Variants in ZNF503 observed in about 807,000 individuals in gnomAD.
ZNF503 encodes the protein NocA-like zinc finger 2.
Under a neutral mutation model 34.4 loss-of-function variants are expected in ZNF503, and 15 were observed. The observed-to-expected ratio is 0.44, with a 90% confidence interval of 0.29 to 0.67. The LOEUF (loss-of-function observed/expected upper bound fraction) is 0.67, where lower values mean the gene tolerates loss of function less well. Ranked by LOEUF, ZNF503 falls within the 30% of genes least tolerant of loss-of-function variation. ZNF503 has a pLI of 0.13. For synonymous variants in ZNF503, 580 were observed against 456.8 expected, an observed-to-expected ratio of 1.27 and a Z score of -3.44; for missense variants, 1,007 against 926.8, an observed-to-expected ratio of 1.09 and a Z score of -1.12.
At chr10:75,380,917 A>T in the ZNF503 span, among the ~76,000 whole-genome samples, 261 of 152,344 alleles carry the variant, frequency 1.7e-3, 2 homozygotes, top group Non-Finnish European at 2.8e-3. Flanking sequence ...GGCAGTGGCC[A>T]TACAGACCTC....
chr10:75,399,130 C>A lies in ZNF503; in HGVS notation c.1560G>T (p.Ser520=). Reference sequence around the variant, plus strand: ...AGCGCTTGTCGCACGGCCCGTTGGCCGACACCCAGTTGCAGATGTGGGGGA... The same window carrying A: ...AGCGCTTGTCGCACGGCCCGTTGGCAGACACCCAGTTGCAGATGTGGGGGA... ...DPLPHICNWV[S]ANGPCDKRFA... The change falls in exon 2 of 2, where the codon TCG becomes TCT. Residue 520 remains serine (S), a synonymous_variant. Transcript: ENST00000372524. 1 of 1,613,612 alleles carries A rather than the reference C, an allele frequency of 6.2e-7. No homozygotes were observed. Among genetic ancestry groups the A allele is most frequent in the East Asian group, 2.2e-5 (1 of 44,858 alleles).
chr10:75,401,795 A>G (rs1307842749), upstream of ZNF503: 10 of 252,904 alleles, frequency 4.0e-5, no homozygotes, highest in Non-Finnish European at 6.8e-5. Context: ...AAGCAGCTGC[A>G]CCAAGGGGGA....
chr10:75,365,194 G>A, the ZNF503 span, among the ~76,000 whole-genome samples: 1 of 152,332 alleles, frequency 6.6e-6, no homozygotes, highest in African/African-American at 2.4e-5. Flanking sequence ...TGTCGTCCAG[G>A]CTGGAGTGCA....
the ZNF503 span, among the ~76,000 whole-genome samples, chr10:75,335,996 C>T: frequency 6.6e-6 from 1 of 152,144 alleles, no homozygotes; most frequent in Admixed American, 6.5e-5. Flanking sequence ...ATTTCCCTGA[C>T]ATTATCAACT....
chr10:75,379,106 G>T, the ZNF503 span, among the ~76,000 whole-genome samples: 1 of 152,186 alleles, frequency 6.6e-6, no homozygotes, highest in African/African-American at 2.4e-5. Context: ...ATGTAGGAAA[G>T]AAATATGGGC....
chr10:75,334,376 T>A, the ZNF503 span, among the ~76,000 whole-genome samples: 3 of 152,258 alleles, frequency 2.0e-5, no homozygotes, highest in Non-Finnish European at 4.4e-5. Context: ...AGAACTCCCA[T>A]GTATAAGTCA....
the ZNF503 span, among the ~76,000 whole-genome samples, chr10:75,299,475 C>T: frequency 4.6e-5 from 7 of 151,854 alleles, no homozygotes; most frequent in African/African-American, 9.7e-5. Context: ...TTTTGTTTTA[C>T]GTATTTAGGG....
chr10:75,341,364 A>C, the ZNF503 span, among the ~76,000 whole-genome samples: 4 of 152,366 alleles, frequency 2.6e-5, no homozygotes, highest in East Asian at 7.7e-4. Context: ...CACCCATAGG[A>C]AAAGTCTGTG....
the ZNF503 span, among the ~76,000 whole-genome samples, chr10:75,282,360 C>T: frequency 6.6e-6 from 1 of 152,144 alleles, no homozygotes. Context: ...CTCTTCCCTC[C>T]CTGGACTGAA....
chr10:75,397,224 G>A (rs934144940), downstream of ZNF503, among the ~76,000 whole-genome samples: 8 of 152,130 alleles, frequency 5.3e-5, no homozygotes, highest in Non-Finnish European at 1.2e-4. Context: ...GGTGGGGGTG[G>A]GGGTGAGGGC....
the ZNF503 span, chr10:75,360,702 G>A: frequency 9.8e-5 from 15 of 152,374 alleles, no homozygotes; most frequent in East Asian, 1.5e-3. Context: ...TCAAACCGGA[G>A]AAGAACCCAA....
chr10:75,374,259 G>A, the ZNF503 span, among the ~76,000 whole-genome samples: 32 of 152,218 alleles, frequency 2.1e-4, no homozygotes, highest in South Asian at 6.2e-4. Flanking sequence ...CCAAGATCAC[G>A]CCACTGCCCT....
In ZNF503 at chr10:75,399,356, G is replaced by C; in HGVS notation, c.1334C>G (p.Ala445Gly). Residue 445 changes from alanine (A) to glycine (G), a missense_variant, in exon 2 of 2, where the codon GCG becomes GGG. By Grantham distance (60) the Ala-to-Gly change is moderately conservative. Transcript: ENST00000372524. ...ATGTGCGCAAGAAGCGCTGGCGGCC[G>C]CCGCCCCTGCCAGGTGGCTAGCGCA... is the stretch of plus-strand genomic sequence containing the variant. ...YHCASHLAGA[A>G]AASASCAHDP... 1 of 1,604,338 alleles carries C rather than the reference G, an allele frequency of 6.2e-7. No individual in the cohort carries two copies. The highest frequency in any genetic ancestry group is 8.5e-7 in the Non-Finnish European group (1 of 1,177,740).
the ZNF503 span, among the ~76,000 whole-genome samples, chr10:75,377,620 C>T: frequency 6.6e-6 from 1 of 152,052 alleles, no homozygotes; most frequent in Non-Finnish European, 1.5e-5. Flanking sequence ...TCAATAGGTC[C>T]TTTTGGGGAA....
At chr10:75,313,982 C>A in the ZNF503 span, among the ~76,000 whole-genome samples, 1 of 152,144 alleles carries the variant, frequency 6.6e-6, no homozygotes, top group Admixed American at 6.5e-5. Flanking sequence ...AGAGTGGAGG[C>A]TTTTTCAAAT....
At chr10:75,321,601 A>G in the ZNF503 span, among the ~76,000 whole-genome samples, 1 of 152,238 alleles carries the variant, frequency 6.6e-6, no homozygotes, top group Non-Finnish European at 1.5e-5. Context: ...AAGTGGAACA[A>G]AAGTTGCTTT....
chr10:75,316,045 G>A, the ZNF503 span, among the ~76,000 whole-genome samples: 2 of 152,160 alleles, frequency 1.3e-5, no homozygotes, highest in African/African-American at 2.4e-5. Context: ...TATATATGCA[G>A]CCAACAGTGG....
the ZNF503 span, among the ~76,000 whole-genome samples, chr10:75,388,770 A>T: frequency 6.6e-6 from 1 of 152,190 alleles, no homozygotes; most frequent in Non-Finnish European, 1.5e-5. Context: ...GATCACACAG[A>T]GTAGTTGGAA....
At chr10:75,375,763 C>T in the ZNF503 span, among the ~76,000 whole-genome samples, 2 of 152,192 alleles carry the variant, frequency 1.3e-5, no homozygotes, top group African/African-American at 2.4e-5. Flanking sequence ...GTGATCTGCC[C>T]ACCTCAGCCT....
Sources: gnomAD v4.1 joint callset for allele counts (sites outside exome capture counted in the v4.1 genomes callset) on GRCh38, gnomAD v4.1.1 for gene constraint, MANE v1.5 for transcripts, NCBI Gene and HGNC (gene_info 2026-07-23, HGNC 2026-07-21) for gene names.